The following B4GALT4 variants were observed in gnomAD, a reference collection of about 807,000 sequenced individuals.
B4GALT4 encodes beta-1,4-galactosyltransferase 4.
B4GALT4 carries 27 observed loss-of-function variants against 37.3 expected under a neutral mutation model. That is an observed-to-expected ratio of 0.72 (90% CI 0.53 to 1.00). B4GALT4 has a LOEUF of 1.00. B4GALT4 is among the 50% of genes least tolerant of loss of function. The pLI, the probability that B4GALT4 is intolerant of heterozygous loss-of-function variation, is 0.00. For synonymous variants in B4GALT4, 148 were observed against 154.1 expected (o/e 0.96, Z 0.29); for missense variants, 372 against 413.1 (o/e 0.90, Z 0.86).
chr3:119,228,644 C>A (rs962185868), intron 3 of B4GALT4, among the ~76,000 whole-genome samples: 1 of 152,116 alleles, frequency 6.6e-6, no homozygotes, highest in Non-Finnish European at 1.5e-5. Context: ...AAGCAGCATG[C>A]CAATATGAAT....
At chr3:119,234,459 T>C (rs72955102) in intron 2 of B4GALT4, among the ~76,000 whole-genome samples, 4,794 of 152,310 alleles carry the variant, frequency 0.031, 227 homozygotes, top group African/African-American at 0.1. Flanking sequence ...ACCAATGTGA[T>C]TCATGTTCAA....
intron 1 of B4GALT4, among the ~76,000 whole-genome samples, chr3:119,239,169 T>C (rs1289632776): frequency 1.3e-5 from 2 of 151,830 alleles, no homozygotes; most frequent in Non-Finnish European, 2.9e-5. Context: ...CTACTAAAAA[T>C]ACAAAAATTA....
chr3:119,239,066 A>T (rs6767078), intron 1 of B4GALT4, among the ~76,000 whole-genome samples: 106,332 of 152,044 alleles, frequency 0.7, 37,866 homozygotes, highest in African/African-American at 0.85. Context: ...GGCCCATGGT[A>T]CACATCTGTA....
At chr3:119,215,279 C>T (rs1023549837) in intron 7 of B4GALT4, 6 of 152,244 alleles carry the variant, frequency 3.9e-5, no homozygotes, top group African/African-American at 1.4e-4. Flanking sequence ...CTTGCTGAGT[C>T]TTCTGGCCTT....
chr3:119,228,170 TC>T (rs2078684636), intron 3 of B4GALT4, among the ~76,000 whole-genome samples: 1 of 152,160 alleles, frequency 6.6e-6, no homozygotes, highest in African/African-American at 2.4e-5. Flanking sequence ...CTGTTCACAA[TC>T]CCCATCGTTA....
At chr3:119,229,547 C>T (rs902586600) in intron 3 of B4GALT4, among the ~76,000 whole-genome samples, 3 of 152,094 alleles carry the variant, frequency 2.0e-5, no homozygotes, top group Admixed American at 1.3e-4. Flanking sequence ...ATCTTGAAGC[C>T]GGAGTGGTGA....
chr3:119,215,223 T>G (rs1224143021), intron 7 of B4GALT4: 3 of 152,232 alleles, frequency 2.0e-5, no homozygotes, highest in Admixed American at 6.5e-5. Flanking sequence ...TCTAATCAAC[T>G]GCTAGCGAGG....
chr3:119,212,883 C>G lies in B4GALT4; in HGVS notation c.903-202G>C, dbSNP rs553243094. The G allele has an allele frequency of 1.2e-5, 6 of 517,368 alleles. No individual in the cohort carries two copies. In the East Asian group the frequency reaches 2.0e-4, roughly 17 times the overall value. The allele number at this position is 517,368 out of a possible 1,614,324, so 32.0% of individuals were successfully genotyped here. On this transcript the variant is annotated intron_variant, in intron 7 of 7. Coordinates refer to ENST00000393765, the MANE Select transcript of B4GALT4 (RefSeq NM_003778.4). ...TCATGTGTCAGACTCCACGTGAGAA[C>G]CCGGGGACCCATGATGAAAAGTGTC...
In B4GALT4 at chr3:119,220,632, C is replaced by T. The variant is rs149944798; in HGVS notation, c.675-1860G>A. ...AGCACAGGAGGGAGAAAGACACAGGCTGCCCGACGACCACCTGGAGAGGGG... is the reference window on the plus strand; with the variant it reads ...AGCACAGGAGGGAGAAAGACACAGGTTGCCCGACGACCACCTGGAGAGGGG... On this transcript the variant is annotated intron_variant, in intron 5 of 7. Coordinates refer to ENST00000393765, the MANE Select transcript of B4GALT4 (RefSeq NM_003778.4). 1.5e-3 allele frequency among the ~76,000 whole-genome samples: 224 copies of T among 152,240 alleles called. 1 individual carries two copies. The East Asian group carries it at 0.017, about 12-fold the overall frequency.
At chr3:119,231,652 G>A (rs7628585) in intron 2 of B4GALT4, among the ~76,000 whole-genome samples, 27,946 of 150,308 alleles carry the variant, frequency 0.19, 2,922 homozygotes, top group South Asian at 0.32. Context: ...TTAGGAGAAT[G>A]GGATTCGCTG....
chr3:119,224,339 A>T, intron 4 of B4GALT4, 94 bp from the exon 5 acceptor site: 1 of 947,172 alleles, frequency 1.1e-6, no homozygotes, highest in Non-Finnish European at 1.5e-6. Flanking sequence ...GTATTATTCT[A>T]ATTATTCTAC....
At chr3:119,220,747 GA>G (rs1241859055) in intron 5 of B4GALT4, among the ~76,000 whole-genome samples, 2 of 152,312 alleles carry the variant, frequency 1.3e-5, no homozygotes, top group Middle Eastern at 3.4e-3. Context: ...AGCACTTTGG[GA>G]GGCCAAGGCG....
At position 119,230,679 on chromosome 3, in the gene B4GALT4, G is replaced by A. The variant is rs184066756; in HGVS notation, c.-145-435C>T. On this transcript the variant is annotated intron_variant, in intron 2 of 7. Coordinates refer to ENST00000393765, the MANE Select transcript of B4GALT4 (RefSeq NM_003778.4). ...ATTTTGACCCAAAGAGAAAATAAGG[G>A]AAAAGGGAAAAGTTCTTCTCCCCTG... Among the ~76,000 whole-genome samples the A allele has an allele frequency of 3.9e-3, 598 of 152,254 alleles. 2 individuals are homozygous for A. Among genetic ancestry groups the A allele is most frequent in the South Asian group, 0.013 (61 of 4,824 alleles).
chr3:119,239,142 A>G (rs936173250), intron 1 of B4GALT4, among the ~76,000 whole-genome samples: 5 of 152,124 alleles, frequency 3.3e-5, no homozygotes, highest in Non-Finnish European at 7.4e-5. Flanking sequence ...CCTGGACAAC[A>G]TGGTGAAACC....
At chr3:119,236,119 A>G (rs1006577572) in intron 2 of B4GALT4, 1 of 152,240 alleles carries the variant, frequency 6.6e-6, no homozygotes, top group African/African-American at 2.4e-5. Context: ...AGGGAAAGAC[A>G]GTAACTTTGT....
rs190991443 is a variant in B4GALT4, at chr3:119,220,634, G to A, written c.675-1862C>T. ...CACAGGAGGGAGAAAGACACAGGCT[G>A]CCCGACGACCACCTGGAGAGGGGTG... On this transcript the variant is annotated intron_variant, in intron 5 of 7. Coordinates refer to ENST00000393765, the MANE Select transcript of B4GALT4 (RefSeq NM_003778.4). Among the ~76,000 whole-genome samples, 301 of 152,278 alleles carry A rather than the reference G, an allele frequency of 2.0e-3. 1 individual carries two copies. The highest frequency in any genetic ancestry group is 0.01 in the Middle Eastern group (3 of 294).
intron 2 of B4GALT4, among the ~76,000 whole-genome samples, chr3:119,235,381 G>T (rs2078954693): frequency 6.6e-6 from 1 of 152,164 alleles, no homozygotes; most frequent in South Asian, 2.1e-4. Flanking sequence ...GAAAGGGTGT[G>T]TTCATTCGGC....
chr3:119,221,419 C>A (rs994964658), intron 5 of B4GALT4, among the ~76,000 whole-genome samples: 3 of 152,216 alleles, frequency 2.0e-5, no homozygotes, highest in Non-Finnish European at 2.9e-5. Context: ...AGTGATGAGG[C>A]ATGTACTGAC....
At chr3:119,224,755 A>G (rs1403301098) in intron 4 of B4GALT4, among the ~76,000 whole-genome samples, 1 of 152,230 alleles carries the variant, frequency 6.6e-6, no homozygotes. Flanking sequence ...TAAAATACAA[A>G]TAACTCAAAT....
Sources: gnomAD v4.1 joint callset for allele counts (sites outside exome capture counted in the v4.1 genomes callset) on GRCh38, gnomAD v4.1.1 for gene constraint, MANE v1.5 for transcripts, NCBI Gene and HGNC (gene_info 2026-07-23, HGNC 2026-07-21) for gene names.